DPP10: variants seen among roughly 807,000 people sequenced by gnomAD.
The protein encoded by DPP10 is dipeptidyl peptidase like 10.
A neutral mutation model predicts 120.9 loss-of-function variants in DPP10; 33 were observed. The observed-to-expected ratio is 0.27, with a 90% CI of 0.21 to 0.37. The LOEUF is 0.37. DPP10 is among the 10% of genes least tolerant of loss of function. The pLI, the probability that DPP10 is intolerant of heterozygous loss-of-function variation, is 1.00. For missense variants in DPP10, 816 were observed against 942.8 expected (o/e 0.87, Z 1.76); for synonymous variants, 337 against 326.1 (o/e 1.03, Z -0.36).
At chr2:115,534,568 C>T (rs2148933018) in intron 5 of DPP10, among the ~76,000 whole-genome samples, 1 of 152,154 alleles carries the variant, frequency 6.6e-6, no homozygotes, top group African/African-American at 2.4e-5. Context: ...CCGCAATAAA[C>T]ATACGTGTGC....
chr2:114,639,649 A>G (rs1340266745), intron 1 of DPP10, among the ~76,000 whole-genome samples: 3 of 151,930 alleles, frequency 2.0e-5, no homozygotes, highest in Admixed American at 6.5e-5. Context: ...TATCTAAAAT[A>G]AAAGTTGAAA....
chr2:115,430,315 G>A (rs749608807), intron 3 of DPP10, among the ~76,000 whole-genome samples: 15 of 152,096 alleles, frequency 9.9e-5, no homozygotes, highest in African/African-American at 1.2e-4. Context: ...CAGATCCACC[G>A]TTGGACTTTC....
At chr2:115,056,814 G>A (rs1330570483) in intron 1 of DPP10, among the ~76,000 whole-genome samples, 1 of 152,172 alleles carries the variant, frequency 6.6e-6, no homozygotes, top group East Asian at 1.9e-4. Context: ...AAACAAATAT[G>A]GGGATATCGG....
intron 1 of DPP10, among the ~76,000 whole-genome samples, chr2:115,018,861 T>TA (rs1490402252): frequency 2.6e-5 from 4 of 152,062 alleles, no homozygotes; most frequent in African/African-American, 9.7e-5. Context: ...TAAAGTATGA[T>TA]AAAAATAATT....
At chr2:115,291,494 A>G (rs979986617) in intron 1 of DPP10, among the ~76,000 whole-genome samples, 2 of 152,166 alleles carry the variant, frequency 1.3e-5, no homozygotes, top group African/African-American at 4.8e-5. Context: ...TTTGTCTTTC[A>G]TCTTTAAATA....
chr2:114,834,482 ATATATAAGC>A (rs1452912355), intron 1 of DPP10, among the ~76,000 whole-genome samples: 23 of 151,646 alleles, frequency 1.5e-4, no homozygotes, highest in African/African-American at 5.6e-4. Context: ...ACACCTATGT[ATATATAAGC>A]CATATCTACG....
intron 21 of DPP10, among the ~76,000 whole-genome samples, chr2:115,819,044 A>G (rs775218268): frequency 3.4e-4 from 51 of 152,178 alleles, no homozygotes; most frequent in Non-Finnish European, 6.6e-4. Context: ...TTTTCTTGAA[A>G]TGCACTGATT....
chr2:115,713,252 A>G lies in DPP10; in HGVS notation c.577-14564A>G, dbSNP rs528723368. Among the ~76,000 whole-genome samples, 9 of 152,312 alleles carry G rather than the reference A, an allele frequency of 5.9e-5. No homozygotes were observed. In the South Asian group the frequency reaches 1.7e-3, roughly 28 times the overall value. On this transcript the variant is annotated intron_variant, in intron 7 of 25. Transcript: ENST00000410059. ...AATTGAGTCATAAAGGAAGACCTAG[A>G]CGTCAGTTATGGCAAAGAAGGAGAA...
chr2:114,682,563 A>G (rs545423927), intron 1 of DPP10, among the ~76,000 whole-genome samples: 1 of 148,266 alleles, frequency 6.7e-6, no homozygotes, highest in East Asian at 2.0e-4. Flanking sequence ...ATTGCAATCG[A>G]TGGGTAATTA....
intron 11 of DPP10, among the ~76,000 whole-genome samples, chr2:115,759,805 G>T (rs1362633753): frequency 6.6e-6 from 1 of 152,122 alleles, no homozygotes; most frequent in Non-Finnish European, 1.5e-5. Flanking sequence ...GAGGTCAGGA[G>T]TTCGAGACCA....
chr2:114,990,617 A>G (rs1700702630), intron 1 of DPP10, among the ~76,000 whole-genome samples: 1 of 152,044 alleles, frequency 6.6e-6, no homozygotes, highest in Non-Finnish European at 1.5e-5. Context: ...ACCTTTTTCT[A>G]TTAATATCCC....
intron 5 of DPP10, among the ~76,000 whole-genome samples, chr2:115,531,754 A>G (rs1280815750): frequency 1.3e-5 from 2 of 152,158 alleles, no homozygotes; most frequent in Non-Finnish European, 2.9e-5. Context: ...GTATGGTGCC[A>G]TCACCCAGAT....
At chr2:114,702,805 T>C (rs1700462330) in intron 1 of DPP10, among the ~76,000 whole-genome samples, 1 of 152,092 alleles carries the variant, frequency 6.6e-6, no homozygotes, top group African/African-American at 2.4e-5. Flanking sequence ...CTGAAATGGA[T>C]GCTAACCTCA....
intron 1 of DPP10, among the ~76,000 whole-genome samples, chr2:114,901,874 G>A (rs1693600722): frequency 6.6e-6 from 1 of 152,280 alleles, no homozygotes; most frequent in Non-Finnish European, 1.5e-5. Flanking sequence ...CACAATCAAA[G>A]TAACAGCTAC....
Position 115,842,468 on chromosome 2 carries a change from C to G in DPP10, c.*123C>G. ...GCTTACGGAGATGTCACTGGAGCAG[C>G]ACGCTCAGAGACAGTGAACTAGCAT... On this transcript the variant is annotated 3_prime_UTR_variant, in exon 26 of 26. Transcript: ENST00000410059. 1 of 1,185,644 alleles carries G rather than the reference C, an allele frequency of 8.4e-7. No homozygotes were observed. Among genetic ancestry groups the G allele is most frequent in the Non-Finnish European group, 1.2e-6 (1 of 863,096 alleles). 73.4% of individuals were successfully genotyped at this position (1,185,644 alleles called of 1,614,324 possible). A position where few individuals can be genotyped will look rare whatever the true frequency, so the allele number is the denominator to read the frequency against.
chr2:115,119,699 C>T (rs2049721060), intron 1 of DPP10, among the ~76,000 whole-genome samples: 1 of 152,102 alleles, frequency 6.6e-6, no homozygotes. Flanking sequence ...TGTTGTGTTT[C>T]TCTGATGGGC....
chr2:115,685,070 T>G (rs2090908914), intron 5 of DPP10, among the ~76,000 whole-genome samples: 1 of 151,972 alleles, frequency 6.6e-6, no homozygotes, highest in African/African-American at 2.4e-5. Context: ...GTTTCCTACT[T>G]AAACTTTCAG....
At chr2:115,062,515 C>CT (rs1385136863) in intron 1 of DPP10, among the ~76,000 whole-genome samples, 1 of 152,106 alleles carries the variant, frequency 6.6e-6, no homozygotes, top group Non-Finnish European at 1.5e-5. Context: ...ACTATTTTTC[C>CT]TGATGCTTTC....
intron 1 of DPP10, among the ~76,000 whole-genome samples, chr2:115,168,194 C>T (rs2053050852): frequency 6.6e-6 from 1 of 151,994 alleles, no homozygotes; most frequent in Non-Finnish European, 1.5e-5. Flanking sequence ...TTCTGTGTAA[C>T]CTTTAAACAC....
Sources: gnomAD v4.1 joint callset for allele counts (sites outside exome capture counted in the v4.1 genomes callset) on GRCh38, gnomAD v4.1.1 for gene constraint, MANE v1.5 for transcripts, NCBI Gene and HGNC (gene_info 2026-07-23, HGNC 2026-07-21) for gene names.